Variants in TPCN2 observed in about 807,000 individuals in gnomAD.
TPCN2 encodes the protein two pore segment channel 2, also known as two pore channel protein 2.
TPCN2 carries 92 observed loss-of-function variants against 111.4 expected under a neutral mutation model. The ratio of observed to expected loss-of-function variants is 0.83; its 90% CI spans 0.70 to 0.98. The LOEUF is 0.98. TPCN2 is among the 50% of genes least tolerant of loss of function. The probability of loss-of-function intolerance (pLI) is 0.00; values close to 1 mark genes in which losing one functional copy is unlikely to be tolerated. For missense variants in TPCN2, 995 were observed against 980.1 expected (o/e 1.02, Z -0.20); for synonymous variants, 405 against 414.5 (o/e 0.98, Z 0.28).
In TPCN2 at chr11:69,078,899, A is replaced by G. The variant is rs1855898024; in HGVS notation, c.1418A>G (p.Asn473Ser). 7 of 1,613,976 alleles carry G rather than the reference A, an allele frequency of 4.3e-6. No individual in the cohort carries two copies. Among genetic ancestry groups the G allele is most frequent in the Non-Finnish European group, 5.9e-6 (7 of 1,179,970 alleles). ...ERDDFILGIL[N>S]CVFIVYYLLE... is the part of the protein sequence containing the mutation. Reference sequence around the variant, plus strand: ...CTCTTCTGCCCCTTTCAGATTCTCAACTGCGTCTTCATTGTGTACTACCTG... The same window carrying G: ...CTCTTCTGCCCCTTTCAGATTCTCAGCTGCGTCTTCATTGTGTACTACCTG... The change falls in exon 16 of 25, where the codon AAC becomes AGC. Residue 473 changes from asparagine (N) to serine (S), a missense_variant. Physicochemically the swap from Asn to Ser is conservative, Grantham distance 46. Coordinates refer to ENST00000294309, the MANE Select transcript of TPCN2 (RefSeq NM_139075.4).
chr11:69,087,317 C>T (rs1253894707), intron 24 of TPCN2, 111 bp downstream of exon 24: 1 of 881,076 alleles, frequency 1.1e-6, no homozygotes, highest in South Asian at 1.5e-5. Context: ...TCCTCCCCCT[C>T]CGCCCGGTTA....
At chr11:69,085,596 A>G in intron 20 of TPCN2, 75 bp from the exon 21 acceptor site, 2 of 998,194 alleles carry the variant, frequency 2.0e-6, no homozygotes, top group South Asian at 2.7e-5. Context: ...ACGCCAGCAG[A>G]GGAAAGGGGT....
chr11:69,062,372 C>T (rs938506904), intron 5 of TPCN2, among the ~76,000 whole-genome samples: 3 of 151,612 alleles, frequency 2.0e-5, no homozygotes, highest in African/African-American at 4.9e-5. Flanking sequence ...GGCTGGAGGG[C>T]GCTGTGTGAG....
chr11:69,062,280 C>T (rs1855056113), intron 5 of TPCN2, among the ~76,000 whole-genome samples: 1 of 152,166 alleles, frequency 6.6e-6, no homozygotes, highest in Non-Finnish European at 1.5e-5. Flanking sequence ...ATCCCGCTTC[C>T]AACACGGGGA....
intron 16 of TPCN2, chr11:69,079,542 A>C: frequency 2.7e-6 from 1 of 366,346 alleles, no homozygotes; most frequent in Non-Finnish European, 4.9e-6. Context: ...CACATAGGTG[A>C]AGAGAAATTT....
intron 8 of TPCN2, 50 bp downstream of exon 8, chr11:69,067,655 G>C (rs761032822): frequency 7.6e-6 from 12 of 1,576,386 alleles, no homozygotes; most frequent in Admixed American, 3.4e-5. Context: ...GCCCAGCACT[G>C]GGGGGCCGGT....
intron 18 of TPCN2, 112 bp downstream of exon 18, chr11:69,081,611 C>T (rs1478326099): frequency 8.8e-6 from 6 of 680,310 alleles, no homozygotes; most frequent in Non-Finnish European, 1.5e-5. Flanking sequence ...GCCCGTCACC[C>T]TGGGCTCCCT....
intron 7 of TPCN2, among the ~76,000 whole-genome samples, chr11:69,064,985 C>CTGTA (rs1855204474): frequency 8.9e-6 from 1 of 112,468 alleles, no homozygotes; most frequent in Non-Finnish European, 2.2e-5. Context: ...GTCTGTATGT[C>CTGTA]TGTGTGCGTG....
intron 5 of TPCN2, among the ~76,000 whole-genome samples, chr11:69,058,892 C>T (rs1366604372): frequency 6.6e-6 from 1 of 152,254 alleles, no homozygotes; most frequent in Non-Finnish European, 1.5e-5. Context: ...TGTTCTGTAA[C>T]TTACAGGCTA....
Position 69,088,232 on chromosome 11 carries a change from G to A in TPCN2, c.*279G>A, listed in dbSNP as rs917441184. 1 of 430,552 alleles carries A rather than the reference G, an allele frequency of 2.3e-6. No homozygotes were observed. The highest frequency in any genetic ancestry group is 2.0e-5 in the African/African-American group (1 of 50,488). 26.7% of individuals were successfully genotyped at this position (430,552 alleles called of 1,614,324 possible). ...TCGTCGACTCCACAGGGACCTTTCAGACAAAAATGCAAGAAGCAGCGGCCT... is the reference window on the plus strand; with the variant it reads ...TCGTCGACTCCACAGGGACCTTTCAAACAAAAATGCAAGAAGCAGCGGCCT... On this transcript the variant is annotated 3_prime_UTR_variant, in exon 25 of 25. Transcript: ENST00000294309.
intron 5 of TPCN2, among the ~76,000 whole-genome samples, chr11:69,062,021 ATTT>A (rs1416159024): frequency 3.3e-5 from 5 of 151,798 alleles, no homozygotes; most frequent in African/African-American, 1.2e-4. Flanking sequence ...GAAGGGGTTT[ATTT>A]GGCTCACGGC....
chr11:69,063,655 G>C (rs558277561), intron 6 of TPCN2, among the ~76,000 whole-genome samples: 8 of 152,226 alleles, frequency 5.3e-5, no homozygotes, highest in Admixed American at 3.9e-4. Context: ...TGGGCCCCCA[G>C]GGTTTCATTT....
chr11:69,056,761 G>A (rs1293573214), intron 4 of TPCN2, among the ~76,000 whole-genome samples: 1 of 152,108 alleles, frequency 6.6e-6, no homozygotes, highest in Admixed American at 6.6e-5. Flanking sequence ...TCGATCTCCT[G>A]ACCTTGTGAT....
intron 18 of TPCN2, among the ~76,000 whole-genome samples, chr11:69,083,415 C>G (rs1269813067): frequency 6.6e-6 from 1 of 152,224 alleles, no homozygotes; most frequent in Non-Finnish European, 1.5e-5. Context: ...CCCGGCTAGG[C>G]TGTGATGAGG....
intron 4 of TPCN2, among the ~76,000 whole-genome samples, chr11:69,056,886 A>G (rs567397739): frequency 4.3e-4 from 64 of 147,578 alleles, no homozygotes; most frequent in African/African-American, 1.6e-3. Context: ...CGCCCAGGCT[A>G]GGGTGCTGTG....
Position 69,078,539 on chromosome 11 carries a change from G to A in TPCN2, c.1288G>A (p.Gly430Ser), listed in dbSNP as rs780894611. The change falls in exon 14 of 25, where the codon GGC becomes AGC. Residue 430 changes from glycine (G) to serine (S), a missense_variant. Coordinates refer to ENST00000294309, the MANE Select transcript of TPCN2 (RefSeq NM_139075.4). ...PFLQSAQFLFGHYYFDYLGNL... is the reference protein window; with the variant it reads ...PFLQSAQFLFSHYYFDYLGNL... ...TCTGCAGAGCGCCCAGTTCCTCTTC[G>A]GCCACTACTACTTTGACTACCTGGG... 5.0e-6 allele frequency: 8 copies of A among 1,613,988 alleles called. No individual in the cohort carries two copies. Among genetic ancestry groups the A allele is most frequent in the African/African-American group, 1.3e-5 (1 of 74,916 alleles).
intron 20 of TPCN2, 58 bp from the exon 21 acceptor site, chr11:69,085,613 T>A (rs375414002): frequency 9.8e-6 from 11 of 1,127,638 alleles, no homozygotes; most frequent in South Asian, 6.2e-5. Context: ...GGGTGTAAGG[T>A]ATCAGGCCTC....
chr11:69,088,329 C>T lies in TPCN2; in HGVS notation c.*376C>T. 4.7e-6 allele frequency: 1 copy of T among 214,158 alleles called. No homozygotes were observed. The highest frequency in any genetic ancestry group is 9.5e-6 in the Non-Finnish European group (1 of 105,814). The allele number at this position is 214,158 out of a possible 1,614,324, so 13.3% of individuals were successfully genotyped here. On this transcript the variant is annotated 3_prime_UTR_variant, in exon 25 of 25. Transcript: ENST00000294309. ...TTGGGGACCACAGGCCTGACCAGGG[C>T]CTGCACAGGTTAACCGTCAGACTTC...
At chr11:69,059,710 C>T (rs1347982802) in intron 5 of TPCN2, among the ~76,000 whole-genome samples, 2 of 152,260 alleles carry the variant, frequency 1.3e-5, no homozygotes, top group Non-Finnish European at 2.9e-5. Flanking sequence ...AGTTCATTCC[C>T]AGGTCCTGGG....
Sources: allele counts gnomAD v4.1 joint callset (sites outside exome capture counted in the v4.1 genomes callset), GRCh38; gene constraint gnomAD v4.1.1; transcripts MANE v1.5; gene names NCBI Gene and HGNC (gene_info 2026-07-23, HGNC 2026-07-21).